The following KLHL34 variants were observed in gnomAD, a reference collection of about 807,000 sequenced individuals.
The protein encoded by KLHL34 is kelch like family member 34.
A neutral mutation model predicts 23.8 loss-of-function variants in KLHL34; 24 were observed. That is an observed-to-expected ratio of 1.01 (90% CI 0.73 to 1.42). The LOEUF is 1.42. Among genes scored for constraint, KLHL34 ranks in the 40% most tolerant of loss-of-function variants. The probability of loss-of-function intolerance (pLI) is 0.00; values close to 1 mark genes in which losing one functional copy is unlikely to be tolerated. For missense variants in KLHL34, 652 were observed against 595.1 expected (o/e 1.10, Z -0.99); for synonymous variants, 303 against 287.9 (o/e 1.05, Z -0.53).
chrX:21,657,199 A>G lies in KLHL34; in HGVS notation c.590T>C (p.Leu197Pro). 8.3e-7 allele frequency: 1 copy of G among 1,200,850 alleles called. No individual in the cohort carries two copies. Among genetic ancestry groups the G allele is most frequent in the African/African-American group, 1.7e-5 (1 of 57,840 alleles). Reference sequence around the variant, plus strand: ...CCGCAACCAAGCTAACGCCAGGCCCAGTAGCCGGGCCTCGGGCACCCGCGC... The same window carrying G: ...CCGCAACCAAGCTAACGCCAGGCCCGGTAGCCGGGCCTCGGGCACCCGCGC... ...DVARVPEARL[L>P]GLALAWLRQE... Residue 197 changes from leucine to proline, a missense_variant, in exon 1 of 1, where the codon CTG becomes CCG. Coordinates refer to ENST00000379499, the MANE Select transcript of KLHL34 (RefSeq NM_153270.3).
rs778834130 is a variant in KLHL34 at position 21,657,751 on chromosome X, C to T, written c.38G>A (p.Gly13Asp). 6.7e-6 allele frequency: 8 copies of T among 1,198,990 alleles called. 1 individual carries two copies. Among genetic ancestry groups the T allele is most frequent in the Non-Finnish European group, 7.9e-6 (7 of 890,582 alleles). ...YFLSYCKAHG[G>D]ALLTGYQALR... ...GGCCTGGTAGCCGGTGAGCAGCGCG[C>T]CGCCATGAGCTTTGCAGTAAGACAG... Residue 13 changes from glycine (G) to aspartate (D), a missense_variant, in exon 1 of 1, where the codon GGC (glycine) becomes GAC (aspartate). Transcript: ENST00000379499.
rs1377262714 is a variant in KLHL34 at position 21,657,052 on chromosome X, G to A, written c.737C>T (p.Ala246Val). 5 of 1,185,503 alleles carry A rather than the reference G, an allele frequency of 4.2e-6. No individual in the cohort carries two copies. The highest frequency in any genetic ancestry group is 3.5e-5 in the African/African-American group (2 of 56,867). The change falls in exon 1 of 1, where the codon GCC becomes GTC. Residue 246 changes from alanine to valine, a missense_variant. Transcript: ENST00000379499. The stretch of plus-strand genomic sequence containing the variant: ...CTGGATGATGAGGCCCTTGACCCGG[G>A]CGGGCAGCACGAGGCCAGAGCCCGA... ...VYSGSGLVLP[A>V]RVKGLIIQAL... is the part of the protein sequence containing the mutation.
rs1226100040 is a variant in KLHL34 at position 21,657,212 on chromosome X, CGGGCACCCGCGCCACGTCGG to C, written c.557_576del (p.Pro186ArgfsTer19). The C allele has an allele frequency of 1.7e-6, 2 of 1,197,055 alleles. No individual in the cohort carries two copies. Among genetic ancestry groups the C allele is most frequent in the South Asian group, 1.8e-5 (1 of 54,966 alleles). On this transcript the variant is annotated frameshift_variant, in exon 1 of 1. Coordinates refer to ENST00000379499, the MANE Select transcript of KLHL34 (RefSeq NM_153270.3). LOFTEE classifies it high-confidence loss of function. ...AACGCCAGGCCCAGTAGCCGGGCCT[CGGGCACCCGCGCCACGTCGG>C]GGGCACCCAGTACAGCCCTCAGCGA... is the stretch of plus-strand genomic sequence containing the variant.
chrX:21,656,147 C>T lies in KLHL34; in HGVS notation c.1642G>A (p.Ala548Thr). The change falls in exon 1 of 1, where the codon GCC becomes ACC. Residue 548 changes from alanine to threonine, a missense_variant. Transcript: ENST00000379499. ...FSEIERYDPG[A>T]DQWTRLRPLP... ...GGCCGCAACCGAGTCCACTGGTCGGCGCCGGGGTCGTAGCGCTCGATCTCA... is the reference window on the plus strand; with the variant it reads ...GGCCGCAACCGAGTCCACTGGTCGGTGCCGGGGTCGTAGCGCTCGATCTCA... 8.5e-7 allele frequency: 1 copy of T among 1,175,902 alleles called. No homozygotes were observed. Among genetic ancestry groups the T allele is most frequent in the Non-Finnish European group, 1.1e-6 (1 of 876,783 alleles).
In KLHL34 at chrX:21,657,984, C is replaced by T. The variant is rs2092735974; in HGVS notation, c.-196G>A. On this transcript the variant is annotated 5_prime_UTR_variant, in exon 1 of 1. Transcript: ENST00000379499. Reference sequence around the variant, plus strand: ...AGATCGCCCAGTGCCCCTCTCAGAGCAAATCCAGTCTGGAAACGGTTTTCG... The same window carrying T: ...AGATCGCCCAGTGCCCCTCTCAGAGTAAATCCAGTCTGGAAACGGTTTTCG... The T allele has an allele frequency of 1.7e-6, 1 of 574,989 alleles. No homozygotes were observed. Among genetic ancestry groups the T allele is most frequent in the Non-Finnish European group, 2.5e-6 (1 of 393,734 alleles). 47.4% of individuals were successfully genotyped at this position (574,989 alleles called of 1,213,427 possible).
chrX:21,656,700 G>T lies in KLHL34; in HGVS notation c.1089C>A (p.Thr363=), dbSNP rs1472796269. 8.3e-7 allele frequency: 1 copy of T among 1,209,409 alleles called. No homozygotes were observed. The highest frequency in any genetic ancestry group is 1.8e-5 in the South Asian group (1 of 56,375). Residue 363 remains threonine, a synonymous_variant, in exon 1 of 1, where the codon ACC becomes ACA. Coordinates refer to ENST00000379499, the MANE Select transcript of KLHL34 (RefSeq NM_153270.3). ...PTPLLGHSVC[T]AGNFLFVLGG... ...CCAGGACAAACAGGAAGTTGCCCGC[G>T]GTGCACACGCTGTGCCCCAGCAGTG...
In KLHL34 at chrX:21,655,967, C is replaced by A. The variant is rs1219147594; in HGVS notation, c.1822G>T (p.Ala608Ser). 9 of 1,211,209 alleles carry A rather than the reference C, an allele frequency of 7.4e-6. No homozygotes were observed. The highest frequency in any genetic ancestry group is 1.0e-5 in the Non-Finnish European group (9 of 895,301). Residue 608 changes from alanine to serine, a missense_variant, in exon 1 of 1, where the codon GCG (alanine) becomes TCG (serine). By Grantham distance (99) the Ala-to-Ser change is moderately conservative. Coordinates refer to ENST00000379499, the MANE Select transcript of KLHL34 (RefSeq NM_153270.3). ...DLDRWEDIGC[A>S]LPWAWSGLRC... ...AGGCCGCTCCAGGCCCAGGGCAACGCGCAGCCGATGTCCTCCCAACGGTCC... is the reference window on the plus strand; with the variant it reads ...AGGCCGCTCCAGGCCCAGGGCAACGAGCAGCCGATGTCCTCCCAACGGTCC...
In KLHL34 at chrX:21,657,396, G is replaced by A; in HGVS notation, c.393C>T (p.Cys131=). Residue 131 remains cysteine, a synonymous_variant, in exon 1 of 1, where the codon TGC becomes TGT. Transcript: ENST00000379499. ...GCGCTGCCACGTTGGCGGCGAAGCA[G>A]CAGTTCTCTGGAGCCAGCTGGCGCT... is the stretch of plus-strand genomic sequence containing the variant. ...YLERQLAPEN[C]CFAANVAARF... 1 of 1,179,106 alleles carries A rather than the reference G, an allele frequency of 8.5e-7. No homozygotes were observed. Among genetic ancestry groups the A allele is most frequent in the Non-Finnish European group, 1.1e-6 (1 of 878,989 alleles).
At position 21,656,898 on chromosome X, in the gene KLHL34, C is replaced by T. The variant is rs778073113; in HGVS notation, c.891G>A (p.Glu297=). ...GRRAREVVIE[E]VAAPQRAARG... ...TAGCTGCCCTCTGCGGGGCCGCGAC[C>T]TCCTCAATCACCACCTCCCGTGCCC... The change falls in exon 1 of 1, where the codon GAG becomes GAA. Residue 297 remains glutamate, a synonymous_variant. Coordinates refer to ENST00000379499, the MANE Select transcript of KLHL34 (RefSeq NM_153270.3). The T allele has an allele frequency of 4.8e-5, 56 of 1,169,348 alleles. No homozygotes were observed. The East Asian group carries it at 1.4e-3, about 30-fold the overall frequency.
rs1602082721 is a variant in KLHL34, at chrX:21,658,010, G to A, written c.-222C>T. Reference sequence around the variant, plus strand: ...AAATCCAGTCTGGAAACGGTTTTCGGAGGCCCCTAGTAACGGAGGGCGCGG... The same window carrying A: ...AAATCCAGTCTGGAAACGGTTTTCGAAGGCCCCTAGTAACGGAGGGCGCGG... On this transcript the variant is annotated 5_prime_UTR_variant, in exon 1 of 1. Coordinates refer to ENST00000379499, the MANE Select transcript of KLHL34 (RefSeq NM_153270.3). 1 of 447,676 alleles carries A rather than the reference G, an allele frequency of 2.2e-6. No individual in the cohort carries two copies. Among genetic ancestry groups the A allele is most frequent in the Admixed American group, 5.0e-5 (1 of 19,908 alleles). The allele number at this position is 447,676 out of a possible 1,213,427, so 36.9% of individuals were successfully genotyped here.
chrX:21,657,213 G>A lies in KLHL34; in HGVS notation c.576C>T (p.Pro192=), dbSNP rs1271911849. 5 of 1,196,203 alleles carry A rather than the reference G, an allele frequency of 4.2e-6. No individual in the cohort carries two copies. The highest frequency in any genetic ancestry group is 5.6e-6 in the Non-Finnish European group (5 of 889,412). ...ACGCCAGGCCCAGTAGCCGGGCCTC[G>A]GGCACCCGCGCCACGTCGGGGGCAC... ...VLGAPDVARV[P]EARLLGLALA... Residue 192 remains proline (P), a synonymous_variant, in exon 1 of 1, where the codon CCC becomes CCT. Coordinates refer to ENST00000379499, the MANE Select transcript of KLHL34 (RefSeq NM_153270.3).
chrX:21,656,104 A>AAGCGGTCGTAGGGC lies in KLHL34; in HGVS notation c.1671_1684dup (p.Phe562CysfsTer36). ...CTCGACCACGGCCAGCCCATAGCAG[A>AAGCGGTCGTAGGGC]AGCGGTCGTAGGGCAGCGGCCGCAA... is the stretch of plus-strand genomic sequence containing the variant. On this transcript the variant is annotated frameshift_variant, in exon 1 of 1. Transcript: ENST00000379499. LOFTEE classifies it high-confidence loss of function. 16 of 1,180,236 alleles carry AAGCGGTCGTAGGGC rather than the reference A, an allele frequency of 1.4e-5. No homozygotes were observed. The highest frequency in any genetic ancestry group is 1.8e-5 in the Non-Finnish European group (16 of 878,351).
rs1237788951 is a variant in KLHL34, at chrX:21,655,918, G to A, written c.1871C>T (p.Ala624Val). The A allele has an allele frequency of 8.3e-7, 1 of 1,207,931 alleles. No homozygotes were observed. The highest frequency in any genetic ancestry group is 1.1e-6 in the Non-Finnish European group (1 of 893,606). The change falls in exon 1 of 1, where the codon GCC (alanine) becomes GTC (valine). Residue 624 changes from alanine to valine, a missense_variant. By Grantham distance (64) the Ala-to-Val change is moderately conservative (BLOSUM62 0). Coordinates refer to ENST00000379499, the MANE Select transcript of KLHL34 (RefSeq NM_153270.3). ...SGLRCAVLQL[A>V]EGGDDEREGE... is the part of the protein sequence containing the mutation. ...CTCCCTCTCGTCGTCCCCACCCTCG[G>A]CCAGCTGCAGCACTGCGCACCGCAG...
At position 21,657,288 on chromosome X, in the gene KLHL34, G is replaced by T; in HGVS notation, c.501C>A (p.Gly167=). Residue 167 remains glycine (G), a synonymous_variant, in exon 1 of 1, where the codon GGC becomes GGA. Coordinates refer to ENST00000379499, the MANE Select transcript of KLHL34 (RefSeq NM_153270.3). ...GGTTGAGCTCCAGGAGTCCCGCGGG[G>T]CCCGCGCCCCGCGCCAGCAGCTCCT... The part of the protein sequence containing the change: ...HLQELLARGA[G]PAGLLELNPT... The T allele has an allele frequency of 8.7e-7, 1 of 1,152,172 alleles. No homozygotes were observed. The highest frequency in any genetic ancestry group is 2.7e-5 in the Admixed American group (1 of 36,654). The allele number at this position is 1,152,172 out of a possible 1,213,427, so 95.0% of individuals were successfully genotyped here. A position where few individuals can be genotyped will look rare whatever the true frequency, so the allele number is the denominator to read the frequency against.
Position 21,657,291 on chromosome X carries a change from C to T in KLHL34, c.498G>A (p.Ala166=), listed in dbSNP as rs1398661032. Residue 166 remains alanine (A), a synonymous_variant, in exon 1 of 1, where the codon GCG becomes GCA. Transcript: ENST00000379499. ...TGAGCTCCAGGAGTCCCGCGGGGCC[C>T]GCGCCCCGCGCCAGCAGCTCCTGCA... is the stretch of plus-strand genomic sequence containing the variant. ...SHLQELLARG[A]GPAGLLELNP... 8 of 1,149,565 alleles carry T rather than the reference C, an allele frequency of 7.0e-6. No individual in the cohort carries two copies. Among genetic ancestry groups the T allele is most frequent in the Non-Finnish European group, 9.2e-6 (8 of 867,910 alleles). The allele number at this position is 1,149,565 out of a possible 1,213,427, so 94.7% of individuals were successfully genotyped here.
chrX:21,656,154 G>A lies in KLHL34; in HGVS notation c.1635C>T (p.Asp545=). The change falls in exon 1 of 1, where the codon GAC becomes GAT. Residue 545 remains aspartate (D), a synonymous_variant. Coordinates refer to ENST00000379499, the MANE Select transcript of KLHL34 (RefSeq NM_153270.3). ...YEPFSEIERY[D]PGADQWTRLR... ...ACCGAGTCCACTGGTCGGCGCCGGGGTCGTAGCGCTCGATCTCAGAGAAGG... is the reference window on the plus strand; with the variant it reads ...ACCGAGTCCACTGGTCGGCGCCGGGATCGTAGCGCTCGATCTCAGAGAAGG... 1 of 1,176,308 alleles carries A rather than the reference G, an allele frequency of 8.5e-7. No homozygotes were observed. The highest frequency in any genetic ancestry group is 1.1e-6 in the Non-Finnish European group (1 of 876,937).
At position 21,654,777 on chromosome X, in the gene KLHL34, T is replaced by C. The variant is rs998964561; in HGVS notation, c.*1077A>G. The C allele has an allele frequency of 9.0e-6, 1 of 111,036 alleles. No individual in the cohort carries two copies. Among genetic ancestry groups the C allele is most frequent in the African/African-American group, 3.3e-5 (1 of 30,456 alleles). The allele number at this position is 111,036 out of a possible 1,213,427, so 9.2% of individuals were successfully genotyped here. ...ATACAGCCACCACCCCCCACCCTAG[T>C]TTCGAGTTCTAACTTTGCTGCCTCA... On this transcript the variant is annotated 3_prime_UTR_variant, in exon 1 of 1. Coordinates refer to ENST00000379499, the MANE Select transcript of KLHL34 (RefSeq NM_153270.3).
chrX:21,657,862 A>G lies in KLHL34; in HGVS notation c.-74T>C. 1 of 1,134,949 alleles carries G rather than the reference A, an allele frequency of 8.8e-7. No individual in the cohort carries two copies. The highest frequency in any genetic ancestry group is 3.0e-5 in the Admixed American group (1 of 33,736). 93.5% of individuals were successfully genotyped at this position (1,134,949 alleles called of 1,213,427 possible). On this transcript the variant is annotated 5_prime_UTR_variant, in exon 1 of 1. Coordinates refer to ENST00000379499, the MANE Select transcript of KLHL34 (RefSeq NM_153270.3). ...AGGGCCGGAGGCATCCCGGGGCACA[A>G]CACTCCCGGGACCCCCGCGTAAGCC... is the stretch of plus-strand genomic sequence containing the variant.
Position 21,656,999 on chromosome X carries a change from G to A in KLHL34, c.790C>T (p.Arg264Cys), listed in dbSNP as rs931517917. The A allele has an allele frequency of 2.6e-6, 3 of 1,160,420 alleles. No homozygotes were observed. The highest frequency in any genetic ancestry group is 1.8e-5 in the African/African-American group (1 of 56,001). The change falls in exon 1 of 1, where the codon CGC becomes TGC. Residue 264 changes from arginine to cysteine, a missense_variant. Arg to Cys is a radical substitution (Grantham distance 180). Coordinates refer to ENST00000379499, the MANE Select transcript of KLHL34 (RefSeq NM_153270.3). Reference sequence around the variant, plus strand: ...TGCTCGCCCTGCATGAGCGGCTGGCGGGAGGGCGTCGTGTGGTAGTTGAGG... The same window carrying A: ...TGCTCGCCCTGCATGAGCGGCTGGCAGGAGGGCGTCGTGTGGTAGTTGAGG... Reference protein sequence around the residue: ...QALNYHTTPSRQPLMQGEQTS... With the variant: ...QALNYHTTPSCQPLMQGEQTS...
Sources: allele counts gnomAD v4.1 joint callset, GRCh38; gene constraint gnomAD v4.1.1; transcripts MANE v1.5; gene names NCBI Gene and HGNC (gene_info 2026-07-23, HGNC 2026-07-21).